SIPA1L2: variants seen among roughly 807,000 people sequenced by gnomAD.
The protein encoded by SIPA1L2 is signal induced proliferation associated 1 like 2, also known as signal-induced proliferation-associated 1-like protein 2.
A neutral mutation model predicts 163.9 loss-of-function variants in SIPA1L2; 56 were observed. The ratio of observed to expected loss-of-function variants is 0.34; its 90% CI spans 0.28 to 0.43. The LOEUF (loss-of-function observed/expected upper bound fraction) is 0.43, where lower values mean the gene tolerates loss of function less well. Among genes scored for constraint, SIPA1L2 ranks in the 20% least tolerant of loss-of-function variants. SIPA1L2 has a pLI of 1.00. For synonymous variants in SIPA1L2, 877 were observed against 865.7 expected, an observed-to-expected ratio of 1.01 and a Z score of -0.23; for missense variants, 1,974 against 2,193.5, an observed-to-expected ratio of 0.90 and a Z score of 2.00.
At chr1:232,581,091 C>T (rs1660346203) in intron 1 of SIPA1L2, among the ~76,000 whole-genome samples, 1 of 152,164 alleles carries the variant, frequency 6.6e-6, no homozygotes, top group South Asian at 2.1e-4. Flanking sequence ...CTCCAGTCTT[C>T]TCTTACCCTC....
At chr1:232,592,160 T>C (rs945215180) in intron 1 of SIPA1L2, among the ~76,000 whole-genome samples, 1 of 152,216 alleles carries the variant, frequency 6.6e-6, no homozygotes, top group African/African-American at 2.4e-5. Flanking sequence ...AAGTTATCAA[T>C]TCTTACACAC....
At chr1:232,522,849 CA>C (rs1667520962) in intron 2 of SIPA1L2, among the ~76,000 whole-genome samples, 1 of 152,140 alleles carries the variant, frequency 6.6e-6, no homozygotes, top group South Asian at 2.1e-4. Context: ...GAATGAAACC[CA>C]TAACTATTCC....
intron 1 of SIPA1L2, among the ~76,000 whole-genome samples, chr1:232,622,469 T>C (rs1662864781): frequency 6.6e-6 from 1 of 152,238 alleles, no homozygotes; most frequent in South Asian, 2.1e-4. Flanking sequence ...AGAAATCCTT[T>C]CTGTTCAGTA....
rs548988113 is a variant in SIPA1L2 at position 232,591,241 on chromosome 1, T to A, written c.-318-17019A>T. Among the ~76,000 whole-genome samples the A allele has an allele frequency of 3.3e-5, 5 of 152,386 alleles. No homozygotes were observed. In the South Asian group the frequency reaches 1.0e-3, roughly 32 times the overall value. On this transcript the variant is annotated intron_variant, in intron 1 of 22. Transcript: ENST00000674635. ...CGGCCTATTACAAAAATAGTTCACATGTGATTCCCTATTTCCTTGACCAAA... is the reference window on the plus strand; with the variant it reads ...CGGCCTATTACAAAAATAGTTCACAAGTGATTCCCTATTTCCTTGACCAAA...
At chr1:232,461,366 G>C (rs1454928389) in intron 9 of SIPA1L2, among the ~76,000 whole-genome samples, 1 of 152,228 alleles carries the variant, frequency 6.6e-6, no homozygotes, top group African/African-American at 2.4e-5. Flanking sequence ...ATTAACATTT[G>C]CATCAAGTGC....
chr1:232,399,197 G>A lies in SIPA1L2; in HGVS notation c.5099C>T (p.Ser1700Phe), dbSNP rs1239331011. The part of the protein sequence containing the change: ...RQDNMRLQEE[S>F]QTATAQLRKF... ...CCGCAGCTGAGCTGTCGCGGTCTGGGACTCCTCCTGCAGTCTCATGTTGTC... is the reference window on the plus strand; with the variant it reads ...CCGCAGCTGAGCTGTCGCGGTCTGGAACTCCTCCTGCAGTCTCATGTTGTC... The change falls in exon 23 of 23, where the codon TCC becomes TTC. Residue 1700 changes from serine (S) to phenylalanine (F), a missense_variant. Physicochemically the swap from Ser to Phe is radical, Grantham distance 155. Coordinates refer to ENST00000674635, the MANE Select transcript of SIPA1L2 (RefSeq NM_020808.5). The A allele has an allele frequency of 1.2e-6, 2 of 1,613,672 alleles. No individual in the cohort carries two copies. The highest frequency in any genetic ancestry group is 2.2e-5 in the East Asian group (1 of 44,854).
intron 18 of SIPA1L2, among the ~76,000 whole-genome samples, chr1:232,416,444 G>A (rs1337219758): frequency 6.6e-6 from 1 of 152,172 alleles, no homozygotes; most frequent in Non-Finnish European, 1.5e-5. Context: ...TTTTCTTCCA[G>A]GGGGCTTCTT....
chr1:232,590,214 C>T (rs1399672698), intron 1 of SIPA1L2, among the ~76,000 whole-genome samples: 3 of 152,198 alleles, frequency 2.0e-5, no homozygotes, highest in African/African-American at 4.8e-5. Context: ...CTCACCTCCA[C>T]CTCCAGGGCC....
At chr1:232,528,195 G>C (rs1387144676) in intron 2 of SIPA1L2, among the ~76,000 whole-genome samples, 2 of 150,854 alleles carry the variant, frequency 1.3e-5, no homozygotes, top group Admixed American at 1.3e-4. Flanking sequence ...ATTTATTGAA[G>C]GATTTACTAT....
At chr1:232,478,578 C>T (rs1410716962) in intron 7 of SIPA1L2, among the ~76,000 whole-genome samples, 3 of 152,112 alleles carry the variant, frequency 2.0e-5, no homozygotes, top group South Asian at 2.1e-4. Context: ...TGACAAATAC[C>T]TATTGAGCTA....
At chr1:232,609,733 G>A (rs544441225) in intron 1 of SIPA1L2, among the ~76,000 whole-genome samples, 1 of 151,460 alleles carries the variant, frequency 6.6e-6, no homozygotes, top group South Asian at 2.1e-4. Context: ...GGGAGGCTGA[G>A]GCAGGAGAAT....
chr1:232,613,827 C>T (rs965185004), intron 1 of SIPA1L2, among the ~76,000 whole-genome samples: 2 of 152,038 alleles, frequency 1.3e-5, no homozygotes, highest in Non-Finnish European at 2.9e-5. Context: ...CAGAACACAC[C>T]CAGTATCTGA....
At chr1:232,473,429 T>C (rs924501117) in intron 7 of SIPA1L2, among the ~76,000 whole-genome samples, 4 of 152,206 alleles carry the variant, frequency 2.6e-5, no homozygotes, top group African/African-American at 9.6e-5. Flanking sequence ...TGATTGCCGG[T>C]GTGGCTTCAT....
chr1:232,473,434 C>T lies in SIPA1L2; in HGVS notation c.2086-1906G>A, dbSNP rs76429285. 4.5e-3 allele frequency among the ~76,000 whole-genome samples: 682 copies of T among 152,278 alleles called. 8 individuals are homozygous for T. Among genetic ancestry groups the T allele is most frequent in the African/African-American group, 0.016 (652 of 41,586 alleles). On this transcript the variant is annotated intron_variant, in intron 7 of 22. Transcript: ENST00000674635. ...ACTTCCTGAGTGATTGCCGGTGTGG[C>T]TTCATGTTGGCCAGCCCTCTCCATT...
chr1:232,448,346 C>T (rs1203998517), intron 10 of SIPA1L2, among the ~76,000 whole-genome samples: 1 of 152,154 alleles, frequency 6.6e-6, no homozygotes, highest in Non-Finnish European at 1.5e-5. Context: ...CAAGCCAGTG[C>T]CTCTCCCTAG....
At chr1:232,462,282 A>C (rs1275825308) in intron 9 of SIPA1L2, 1 of 1,550,462 alleles carries the variant, frequency 6.4e-7, no homozygotes, top group South Asian at 1.2e-5. Flanking sequence ...GGGAATTTCA[A>C]GTTGGGAGGT....
At chr1:232,534,793 C>CA (rs1657202958) in intron 2 of SIPA1L2, among the ~76,000 whole-genome samples, 1 of 152,160 alleles carries the variant, frequency 6.6e-6, no homozygotes, top group African/African-American at 2.4e-5. Flanking sequence ...CTCATCATTC[C>CA]AGCATCTACA....
In SIPA1L2 at chr1:232,624,898, G is replaced by A. The variant is rs372172258; in HGVS notation, c.-319+4971C>T. ...AAGAGAATACCAAACCAAAAAATAA[G>A]CTGAAGAAAGTCCAACAATATTCTG... On this transcript the variant is annotated intron_variant, in intron 1 of 22. Coordinates refer to ENST00000674635, the MANE Select transcript of SIPA1L2 (RefSeq NM_020808.5). Among the ~76,000 whole-genome samples the A allele has an allele frequency of 7.2e-5, 11 of 152,300 alleles. No individual in the cohort carries two copies. In the South Asian group the frequency reaches 2.3e-3, roughly 32 times the overall value.
chr1:232,503,612 C>A (rs1159385889), intron 3 of SIPA1L2, among the ~76,000 whole-genome samples: 1 of 152,214 alleles, frequency 6.6e-6, no homozygotes, highest in Non-Finnish European at 1.5e-5. Context: ...TGCACCTGTA[C>A]CTTCCAGTCC....
Sources: allele counts gnomAD v4.1 joint callset (sites outside exome capture counted in the v4.1 genomes callset), GRCh38; gene constraint gnomAD v4.1.1; transcripts MANE v1.5; gene names NCBI Gene and HGNC (gene_info 2026-07-23, HGNC 2026-07-21).